The following CFAP77 variants were observed in gnomAD, a reference collection of about 807,000 sequenced individuals.
CFAP77 encodes cilia and flagella associated protein 77, also known as cilia- and flagella-associated protein 77.
In CFAP77, 25 loss-of-function variants were observed where a neutral mutation model predicts 31.1. The ratio of observed to expected loss-of-function variants is 0.80; its 90% confidence interval spans 0.59 to 1.12. CFAP77 has a LOEUF of 1.12. Among genes scored for constraint, CFAP77 ranks in the 50% most tolerant of loss-of-function variants. CFAP77 has a pLI of 0.00. For synonymous variants in CFAP77, 151 were observed against 159.9 expected, an observed-to-expected ratio of 0.94 and a Z score of 0.42; for missense variants, 377 against 397.3, an observed-to-expected ratio of 0.95 and a Z score of 0.44.
At chr9:132,420,102 A>G (rs982993083) in intron 1 of CFAP77, among the ~76,000 whole-genome samples, 4 of 151,436 alleles carry the variant, frequency 2.6e-5, no homozygotes, top group Non-Finnish European at 4.4e-5. Flanking sequence ...TTGAGGCTAC[A>G]GTGAGCTATG....
chr9:132,569,722 G>A (rs1829930430), intron 5 of CFAP77, among the ~76,000 whole-genome samples: 1 of 144,250 alleles, frequency 6.9e-6, no homozygotes, highest in Non-Finnish European at 1.5e-5. Flanking sequence ...AGTGTCTCTA[G>A]CTGCCCTTTT....
intron 3 of CFAP77, among the ~76,000 whole-genome samples, chr9:132,506,998 A>G (rs1388817835): frequency 6.6e-6 from 1 of 152,124 alleles, no homozygotes; most frequent in East Asian, 1.9e-4. Flanking sequence ...TAGAAGGGGG[A>G]TGAGACAGGA....
intron 1 of CFAP77, among the ~76,000 whole-genome samples, chr9:132,458,577 G>A (rs1056324435): frequency 5.7e-4 from 87 of 152,292 alleles, no homozygotes; most frequent in African/African-American, 2.0e-3. Flanking sequence ...AGTGAGTTGG[G>A]GAATTAGCAT....
At chr9:132,494,395 G>C (rs1851705687) in intron 1 of CFAP77, among the ~76,000 whole-genome samples, 1 of 152,210 alleles carries the variant, frequency 6.6e-6, no homozygotes, top group Non-Finnish European at 1.5e-5. Flanking sequence ...GACATGGCCA[G>C]ATGTCCTCTA....
chr9:132,532,527 G>GA (rs1157279126), intron 3 of CFAP77, among the ~76,000 whole-genome samples: 3 of 152,096 alleles, frequency 2.0e-5, no homozygotes, highest in African/African-American at 7.2e-5. Context: ...TTTTTGAATG[G>GA]AAAAAATTTT....
chr9:132,531,679 T>C (rs1852456309), intron 3 of CFAP77, among the ~76,000 whole-genome samples: 1 of 151,722 alleles, frequency 6.6e-6, no homozygotes, highest in Non-Finnish European at 1.5e-5. Context: ...ATCTGACTTA[T>C]GTCCTAGGTT....
At chr9:132,482,267 A>C (rs1564221024) in intron 1 of CFAP77, 4 of 1,464,442 alleles carry the variant, frequency 2.7e-6, no homozygotes, top group Non-Finnish European at 3.8e-6. Context: ...CTTGACAGCT[A>C]AACTGACCAA....
chr9:132,437,502 C>CT (rs1276163837), intron 1 of CFAP77, among the ~76,000 whole-genome samples: 7 of 131,842 alleles, frequency 5.3e-5, no homozygotes, highest in African/African-American at 2.0e-4. Context: ...ACCACTTTTG[C>CT]ATTTTTTTTT....
chr9:132,456,869 G>A (rs544159458), intron 1 of CFAP77, among the ~76,000 whole-genome samples: 1 of 152,084 alleles, frequency 6.6e-6, no homozygotes, highest in Non-Finnish European at 1.5e-5. Flanking sequence ...TCATGCCTCA[G>A]CCTCCTGAGT....
intron 5 of CFAP77, among the ~76,000 whole-genome samples, chr9:132,544,292 C>T (rs563116688): frequency 1.2e-4 from 19 of 152,324 alleles, no homozygotes; most frequent in East Asian, 1.9e-4. Flanking sequence ...GGGCCGAGTA[C>T]GTTTGGGAGG....
chr9:132,482,295 G>A (rs1275652162), intron 1 of CFAP77: 1 of 1,594,734 alleles, frequency 6.3e-7, no homozygotes, highest in South Asian at 1.1e-5. Flanking sequence ...AGTGGACTCT[G>A]CATTTCTTTC....
In CFAP77 at chr9:132,481,723, C is replaced by A. The variant is rs1375506331; in HGVS notation, c.196-16972C>A. Among the ~76,000 whole-genome samples, 5 of 152,224 alleles carry A rather than the reference C, an allele frequency of 3.3e-5. No individual in the cohort carries two copies. The highest frequency in any genetic ancestry group is 1.2e-4 in the African/African-American group (5 of 41,450). On this transcript the variant is annotated intron_variant, in intron 1 of 5. Coordinates refer to ENST00000393216, the MANE Select transcript of CFAP77 (RefSeq NM_001282957.2). The surrounding 1 kb of genome is among the most constrained non-coding windows in gnomAD (Gnocchi z 5.0). ...CCGCCGCTTCCTCTCCCAGCCGACCCCAGCCTTATTAACAGGCTTCGTTTT... is the reference window on the plus strand; with the variant it reads ...CCGCCGCTTCCTCTCCCAGCCGACCACAGCCTTATTAACAGGCTTCGTTTT...
rs1158701914 is a variant in CFAP77 at position 132,499,275 on chromosome 9, C to T, written c.296-97C>T. ...CAGTAGGCTCAGGTAAATGGGAAGG[C>T]CGAGGACCCGCGTGCCCCCATTTCT... is the stretch of plus-strand genomic sequence containing the variant. On this transcript the variant is annotated intron_variant, in intron 2 of 5. Coordinates refer to ENST00000393216, the MANE Select transcript of CFAP77 (RefSeq NM_001282957.2). This position sits in a 1 kb window ranked among gnomAD's most constrained non-coding sequence, Gnocchi z 5.4. The T allele has an allele frequency of 1.4e-5, 15 of 1,090,806 alleles. No homozygotes were observed. The South Asian group carries it at 1.5e-4, about 11-fold the overall frequency. 67.6% of individuals were successfully genotyped at this position (1,090,806 alleles called of 1,614,324 possible).
At chr9:132,560,286 G>T (rs893201685) in intron 5 of CFAP77, among the ~76,000 whole-genome samples, 1 of 152,180 alleles carries the variant, frequency 6.6e-6, no homozygotes, top group Non-Finnish European at 1.5e-5. Context: ...GGCCACCAAG[G>T]TCTGGCCTCA....
At chr9:132,494,391 G>A (rs1482598473) in intron 1 of CFAP77, among the ~76,000 whole-genome samples, 1 of 152,134 alleles carries the variant, frequency 6.6e-6, no homozygotes, top group African/African-American at 2.4e-5. Context: ...TCCAGACATG[G>A]CCAGATGTCC....
intron 3 of CFAP77, among the ~76,000 whole-genome samples, chr9:132,508,084 A>T (rs937636150): frequency 6.6e-6 from 1 of 152,196 alleles, no homozygotes; most frequent in Admixed American, 6.5e-5. Context: ...GCACTCGAAT[A>T]TAGTCTGGGG....
chr9:132,513,217 G>C, intron 3 of CFAP77: 3 of 1,527,434 alleles, frequency 2.0e-6, no homozygotes, highest in Non-Finnish European at 2.6e-6. Context: ...CTAGTCAAGG[G>C]AGCAAAACAT....
intron 4 of CFAP77, among the ~76,000 whole-genome samples, chr9:132,540,206 A>G (rs982151548): frequency 9.9e-5 from 15 of 152,126 alleles, no homozygotes; most frequent in African/African-American, 3.6e-4. Context: ...CTGGGACTAC[A>G]GGCATGAGCC....
At position 132,537,597 on chromosome 9, in the gene CFAP77, C is replaced by T. The variant is rs908036661; in HGVS notation, c.525-4C>T. 4 of 1,609,110 alleles carry T rather than the reference C, an allele frequency of 2.5e-6. No individual in the cohort carries two copies. Among genetic ancestry groups the T allele is most frequent in the Non-Finnish European group, 2.5e-6 (3 of 1,177,468 alleles). On this transcript the variant is annotated splice_polypyrimidine_tract_variant and splice_region_variant and intron_variant, in intron 3 of 5. Transcript: ENST00000393216. ...CAAGCTCTGTCTGGACTTCTTCCCT[C>T]CAGGCCTTCCACACCCTTCTTTGAT...
Sources: gnomAD v4.1 joint callset for allele counts (sites outside exome capture counted in the v4.1 genomes callset) on GRCh38, gnomAD v4.1.1 for gene constraint, Gnocchi (gnomAD v3.1) non-coding constraint, MANE v1.5 for transcripts, NCBI Gene and HGNC (gene_info 2026-07-23, HGNC 2026-07-21) for gene names.